Variants in NCKAP5 observed in about 807,000 individuals in gnomAD.
NCKAP5 encodes nck-associated protein 5.
In NCKAP5, 92 loss-of-function variants were observed where a neutral mutation model predicts 167.0. The observed-to-expected ratio is 0.55, with a 90% CI of 0.47 to 0.66. NCKAP5 has a LOEUF of 0.66. Among genes scored for constraint, NCKAP5 ranks in the 30% least tolerant of loss-of-function variants. The probability of loss-of-function intolerance (pLI) is 0.00; values close to 1 mark genes in which losing one functional copy is unlikely to be tolerated. For missense variants in NCKAP5, 2,378 were observed against 2,315.0 expected (o/e 1.03, Z -0.56); for synonymous variants, 891 against 877.4 (o/e 1.02, Z -0.27).
intron 5 of NCKAP5, among the ~76,000 whole-genome samples, chr2:133,133,879 G>T (rs995827438): frequency 2.6e-5 from 4 of 152,180 alleles, no homozygotes; most frequent in Non-Finnish European, 5.9e-5. Flanking sequence ...AGAAATAGCA[G>T]CTCTGGAGCT....
chr2:133,292,628 T>C (rs1679679364), intron 4 of NCKAP5, among the ~76,000 whole-genome samples: 1 of 152,214 alleles, frequency 6.6e-6, no homozygotes, highest in African/African-American at 2.4e-5. Context: ...TTTCTCTGGG[T>C]GACCCCCAAA....
intron 4 of NCKAP5, among the ~76,000 whole-genome samples, chr2:133,238,194 C>T (rs919544541): frequency 6.6e-6 from 1 of 152,166 alleles, no homozygotes; most frequent in Admixed American, 6.5e-5. Flanking sequence ...TCCTTTCTTA[C>T]CTCCCCCTCT....
intron 19 of NCKAP5, among the ~76,000 whole-genome samples, chr2:132,704,088 A>G (rs1688128749): frequency 6.6e-6 from 1 of 152,178 alleles, no homozygotes; most frequent in South Asian, 2.1e-4. Context: ...CAGAAAAGCT[A>G]CCTATATCTT....
At chr2:132,865,671 C>T (rs1168000019) in intron 10 of NCKAP5, among the ~76,000 whole-genome samples, 1 of 152,088 alleles carries the variant, frequency 6.6e-6, no homozygotes, top group Non-Finnish European at 1.5e-5. Context: ...CTCTCTCTGT[C>T]CTACTGAACT....
chr2:133,466,013 A>T (rs895699877), intron 3 of NCKAP5, among the ~76,000 whole-genome samples: 8 of 151,968 alleles, frequency 5.3e-5, no homozygotes, highest in South Asian at 2.1e-4. Flanking sequence ...CTTTAGTTTA[A>T]TGAGATCCCA....
At chr2:133,431,962 T>C (rs1484924403) in intron 3 of NCKAP5, 4 of 152,202 alleles carry the variant, frequency 2.6e-5, no homozygotes, top group African/African-American at 9.6e-5. Flanking sequence ...GGGTCCCATT[T>C]AGAAGAAATA....
At chr2:133,635,156 G>A in the NCKAP5 span, among the ~76,000 whole-genome samples, 1 of 152,124 alleles carries the variant, frequency 6.6e-6, no homozygotes, top group Non-Finnish European at 1.5e-5. Context: ...TTACAGGTGT[G>A]AGCCACCATG....
intron 5 of NCKAP5, among the ~76,000 whole-genome samples, chr2:133,139,347 G>A (rs557540342): frequency 1.3e-5 from 2 of 152,322 alleles, no homozygotes; most frequent in East Asian, 3.9e-4. Flanking sequence ...AGTGGGGTGT[G>A]TGTGTATACA....
intron 5 of NCKAP5, among the ~76,000 whole-genome samples, chr2:133,130,474 T>C (rs937971686): frequency 6.6e-6 from 1 of 152,214 alleles, no homozygotes; most frequent in Non-Finnish European, 1.5e-5. Context: ...TTATTACCTG[T>C]TCAGAATTAT....
At chr2:133,286,265 G>A (rs544917803) in intron 4 of NCKAP5, among the ~76,000 whole-genome samples, 5 of 152,158 alleles carry the variant, frequency 3.3e-5, no homozygotes, top group South Asian at 2.1e-4. Flanking sequence ...CAAAGTGCTG[G>A]GATTACAGGC....
At chr2:133,391,579 A>C (rs1244007481) in intron 3 of NCKAP5, among the ~76,000 whole-genome samples, 1 of 152,102 alleles carries the variant, frequency 6.6e-6, no homozygotes, top group Non-Finnish European at 1.5e-5. Flanking sequence ...CCCACAGTCC[A>C]TCTGGTCACC....
chr2:133,022,091 T>C (rs2078549003), intron 6 of NCKAP5, among the ~76,000 whole-genome samples: 1 of 152,168 alleles, frequency 6.6e-6, no homozygotes, highest in African/African-American at 2.4e-5. Flanking sequence ...GTCACTTCGG[T>C]AGTTACATGA....
the NCKAP5 span, among the ~76,000 whole-genome samples, chr2:133,591,458 T>C: frequency 6.6e-6 from 1 of 152,328 alleles, no homozygotes; most frequent in South Asian, 2.1e-4. Flanking sequence ...ACCCACGTGT[T>C]TCCAGGAAGG....
At chr2:132,693,541 C>T (rs1362604824) in intron 19 of NCKAP5, among the ~76,000 whole-genome samples, 1 of 150,578 alleles carries the variant, frequency 6.6e-6, no homozygotes, top group Non-Finnish European at 1.5e-5. Flanking sequence ...GGAATGCAAG[C>T]AGGGCCCTGC....
chr2:133,344,812 G>T (rs752116917), intron 3 of NCKAP5, among the ~76,000 whole-genome samples: 31 of 152,078 alleles, frequency 2.0e-4, no homozygotes, highest in Non-Finnish European at 3.8e-4. Context: ...AAAAGTTTGT[G>T]TAGAGGAAAA....
intron 19 of NCKAP5, among the ~76,000 whole-genome samples, chr2:132,711,731 C>T (rs1457540162): frequency 6.6e-6 from 1 of 152,112 alleles, no homozygotes; most frequent in Non-Finnish European, 1.5e-5. Flanking sequence ...TTTTCCCTCC[C>T]TCACCACAGA....
intron 8 of NCKAP5, among the ~76,000 whole-genome samples, chr2:132,890,533 T>A (rs1385583469): frequency 6.6e-6 from 1 of 152,174 alleles, no homozygotes; most frequent in Non-Finnish European, 1.5e-5. Flanking sequence ...TGAAAGCTGT[T>A]TAAAAACATC....
At chr2:133,418,780 C>A (rs1197560288) in intron 3 of NCKAP5, among the ~76,000 whole-genome samples, 1 of 152,092 alleles carries the variant, frequency 6.6e-6, no homozygotes, top group Non-Finnish European at 1.5e-5. Context: ...AACTCCATTG[C>A]CGTTAGTGTT....
chr2:133,142,270 G>A (rs578097138), intron 5 of NCKAP5, among the ~76,000 whole-genome samples: 3 of 152,084 alleles, frequency 2.0e-5, no homozygotes, highest in Admixed American at 1.3e-4. Flanking sequence ...CTCAATGATC[G>A]ACACAGTCAC....
Sources: gnomAD v4.1 joint callset for allele counts (sites outside exome capture counted in the v4.1 genomes callset) on GRCh38, gnomAD v4.1.1 for gene constraint, MANE v1.5 for transcripts, NCBI Gene and HGNC (gene_info 2026-07-23, HGNC 2026-07-21) for gene names.